Variants in TIGAR observed in about 807,000 individuals in gnomAD.
TIGAR encodes the protein fructose-2,6-bisphosphatase TIGAR.
TIGAR carries 7 observed loss-of-function variants against 17.9 expected under a neutral mutation model. The ratio of observed to expected loss-of-function variants is 0.39; its 90% CI spans 0.22 to 0.73. TIGAR has a LOEUF of 0.73. Among genes scored for constraint, TIGAR ranks in the 30% least tolerant of loss-of-function variants. The probability of loss-of-function intolerance (pLI) is 0.42; values close to 1 mark genes in which losing one functional copy is unlikely to be tolerated. For synonymous variants in TIGAR, 94 were observed against 108.6 expected, an observed-to-expected ratio of 0.87 and a Z score of 0.84; for missense variants, 258 against 327.4, an observed-to-expected ratio of 0.79 and a Z score of 1.64.
intron 1 of TIGAR, among the ~76,000 whole-genome samples, chr12:4,330,392 T>G (rs1044249997): frequency 2.0e-5 from 3 of 152,218 alleles, no homozygotes; most frequent in Non-Finnish European, 2.9e-5. Context: ...TGTAACCTGC[T>G]ATGACACTGG....
At position 4,353,257 on chromosome 12, in the gene TIGAR, T is replaced by G. The variant is rs1243280790; in HGVS notation, c.*566T>G. 6.6e-6 allele frequency: 1 copy of G among 152,384 alleles called. No homozygotes were observed. The highest frequency in any genetic ancestry group is 1.5e-5 in the Non-Finnish European group (1 of 68,162). 9.4% of individuals were successfully genotyped at this position (152,384 alleles called of 1,614,324 possible). On this transcript the variant is annotated 3_prime_UTR_variant, in exon 6 of 6. Coordinates refer to ENST00000179259, the MANE Select transcript of TIGAR (RefSeq NM_020375.3). ...GCTTGAAATGTGGATGAATACAGAT[T>G]ATGATTGCAGAATGGTCTGGGGGAA...
At chr12:4,332,234 A>G (rs375819597) in intron 2 of TIGAR, among the ~76,000 whole-genome samples, 1 of 85,378 alleles carries the variant, frequency 1.2e-5, no homozygotes, top group Non-Finnish European at 2.4e-5. Context: ...AGGCTCATGT[A>G]TTTCTTTTTT....
At chr12:4,346,712 A>C (rs1356785718) in intron 3 of TIGAR, among the ~76,000 whole-genome samples, 1 of 152,148 alleles carries the variant, frequency 6.6e-6, no homozygotes, top group Non-Finnish European at 1.5e-5. Context: ...TATGTAACAA[A>C]CCTGCACGTC....
intron 2 of TIGAR, among the ~76,000 whole-genome samples, chr12:4,332,238 C>CTTTTCTTTTTTTTTT (rs1555092397): frequency 3.4e-4 from 32 of 95,364 alleles, no homozygotes; most frequent in African/African-American, 1.2e-3. Flanking sequence ...TCATGTATTT[C>CTTTTCTTTTTTTTTT]TTTTTTTTTT....
At chr12:4,346,319 G>T (rs1361793459) in intron 3 of TIGAR, among the ~76,000 whole-genome samples, 1 of 152,018 alleles carries the variant, frequency 6.6e-6, no homozygotes, top group Non-Finnish European at 1.5e-5. Context: ...TGTTTATTGC[G>T]GCACTATTCA....
At chr12:4,324,293 A>C in intron 1 of TIGAR, 1 of 660,894 alleles carries the variant, frequency 1.5e-6, no homozygotes, top group Non-Finnish European at 2.7e-6. Context: ...GTTTGCAGTG[A>C]GTCCCCGGCA....
chr12:4,324,340 TGGAAA>T, intron 1 of TIGAR: 2 of 732,376 alleles, frequency 2.7e-6, no homozygotes, highest in Admixed American at 2.7e-5. Context: ...TTTTTTTTTT[TGGAAA>T]TATGTGTGCC....
At chr12:4,347,391 A>G (rs1864792258) in intron 3 of TIGAR, among the ~76,000 whole-genome samples, 2 of 152,172 alleles carry the variant, frequency 1.3e-5, no homozygotes, top group Non-Finnish European at 2.9e-5. Context: ...GATGGTTACC[A>G]GAGTCTGGGA....
intron 1 of TIGAR, among the ~76,000 whole-genome samples, chr12:4,327,825 G>A (rs976388110): frequency 2.0e-5 from 3 of 151,968 alleles, no homozygotes; most frequent in South Asian, 2.1e-4. Flanking sequence ...ACACCACCAC[G>A]CCCAGCTAAT....
chr12:4,327,445 A>T (rs1174038555), intron 1 of TIGAR, among the ~76,000 whole-genome samples: 1 of 151,828 alleles, frequency 6.6e-6, no homozygotes, highest in Non-Finnish European at 1.5e-5. Context: ...AGGATGTGAC[A>T]TATAGAGATA....
intron 1 of TIGAR, among the ~76,000 whole-genome samples, chr12:4,327,031 T>A (rs1424339665): frequency 6.6e-6 from 1 of 152,174 alleles, no homozygotes; most frequent in Non-Finnish European, 1.5e-5. Context: ...AAGAAATGAA[T>A]CATAAATCAG....
At chr12:4,336,931 T>A (rs976657483) in intron 2 of TIGAR, 108 bp from the exon 3 acceptor site, 1 of 1,274,438 alleles carries the variant, frequency 7.8e-7, no homozygotes, top group Non-Finnish European at 1.0e-6. Flanking sequence ...ACTTAAAAAA[T>A]CTTTCATTAA....
chr12:4,335,797 G>C (rs1430448351), intron 2 of TIGAR: 3 of 152,190 alleles, frequency 2.0e-5, no homozygotes, highest in Non-Finnish European at 4.4e-5. Flanking sequence ...TTGTATCTGT[G>C]CCGTGTACTG....
In TIGAR at chr12:4,343,516, A is replaced by G. The variant is rs1036220452; in HGVS notation, c.193-6303A>G. 1.3e-5 allele frequency among the ~76,000 whole-genome samples: 2 copies of G among 152,240 alleles called. 1 individual carries two copies. The highest frequency in any genetic ancestry group is 2.9e-5 in the Non-Finnish European group (2 of 68,042). On this transcript the variant is annotated intron_variant, in intron 3 of 5. Coordinates refer to ENST00000179259, the MANE Select transcript of TIGAR (RefSeq NM_020375.3). ...TTCCTCAGCAAATGCAAAAGAACAG[A>G]AATTATAACAAACTATCTCTCAGAC...
intron 1 of TIGAR, among the ~76,000 whole-genome samples, 159 bp from the exon 2 acceptor site, chr12:4,331,121 A>G (rs964044780): frequency 6.6e-6 from 1 of 152,268 alleles, no homozygotes; most frequent in Non-Finnish European, 1.5e-5. Flanking sequence ...TGCAAATATT[A>G]GTTTAGAATA....
intron 1 of TIGAR, among the ~76,000 whole-genome samples, chr12:4,325,844 C>T (rs919450735): frequency 1.4e-4 from 21 of 151,648 alleles, no homozygotes; most frequent in Non-Finnish European, 2.8e-4. Context: ...GGAATTAGGA[C>T]TAAGCTGTAT....
intron 1 of TIGAR, among the ~76,000 whole-genome samples, chr12:4,325,758 AAG>A (rs1565445288): frequency 6.6e-6 from 1 of 150,484 alleles, no homozygotes. Flanking sequence ...AAAAAAAAAA[AAG>A]AAAGACCACC....
intron 3 of TIGAR, 102 bp downstream of exon 3, chr12:4,337,262 G>C: frequency 1.2e-6 from 1 of 802,538 alleles, no homozygotes; most frequent in Non-Finnish European, 1.8e-6. Flanking sequence ...CATCTCCCGG[G>C]TTCAAGTGAT....
chr12:4,342,174 G>C (rs1249256506), intron 3 of TIGAR, among the ~76,000 whole-genome samples: 3 of 152,150 alleles, frequency 2.0e-5, no homozygotes, highest in Non-Finnish European at 4.4e-5. Context: ...AGTGAGAAGA[G>C]AGGTTTAGAG....
Sources: gnomAD v4.1 joint callset for allele counts (sites outside exome capture counted in the v4.1 genomes callset) on GRCh38, gnomAD v4.1.1 for gene constraint, MANE v1.5 for transcripts, NCBI Gene and HGNC (gene_info 2026-07-23, HGNC 2026-07-21) for gene names.